SUSD5: variants seen among roughly 807,000 people sequenced by gnomAD.
SUSD5 encodes the protein sushi domain containing 5, also known as sushi domain-containing protein 5.
SUSD5 carries 33 observed loss-of-function variants against 29.5 expected under a neutral mutation model. The ratio of observed to expected loss-of-function variants is 1.12; its 90% CI spans 0.85 to 1.49. The LOEUF is 1.49. SUSD5 is among the 40% of genes most tolerant of loss of function. The pLI, the probability that SUSD5 is intolerant of heterozygous loss-of-function variation, is 0.00. For missense variants in SUSD5, 776 were observed against 800.6 expected (o/e 0.97, Z 0.37); for synonymous variants, 308 against 325.3 (o/e 0.95, Z 0.57).
intron 3 of SUSD5, among the ~76,000 whole-genome samples, chr3:33,197,495 A>G (rs979237064): frequency 3.3e-5 from 5 of 152,176 alleles, no homozygotes; most frequent in Non-Finnish European, 7.3e-5. Context: ...AAATTCATCA[A>G]TTTTAAGTGT....
At position 33,167,865 on chromosome 3, in the gene SUSD5, C is replaced by T. The variant is rs1322087238; in HGVS notation, c.598+7021G>A. Among the ~76,000 whole-genome samples, 1 of 152,206 alleles carries T rather than the reference C, an allele frequency of 6.6e-6. No homozygotes were observed. The highest frequency in any genetic ancestry group is 1.9e-4 in the East Asian group (1 of 5,198). ...CCTGAGTCTGCACTCTGACTCAGAT[C>T]ATTCAGCCATCCTTCTAGCTCTGCC... On this transcript the variant is annotated intron_variant, in intron 4 of 4. Transcript: ENST00000309558. The surrounding 1 kb of genome is among the most constrained non-coding windows in gnomAD (Gnocchi z 4.1).
chr3:33,174,892 C>T lies in SUSD5; in HGVS notation c.592G>A (p.Gly198Arg). Residue 198 changes from glycine (G) to arginine (R), a missense_variant, in exon 4 of 5, where the codon GGG (glycine) becomes AGG (arginine). Physicochemically the swap from Gly to Arg is moderately radical, Grantham distance 125. Transcript: ENST00000309558. ...CCATCCCTGGGCTGCTTACCTTTCC[C>T]ACAGGCCTGCACCAGGCCGTACCAC... ...GEWYGLVQAC[G>R]KDEAEAHIDY... 6.2e-7 allele frequency: 1 copy of T among 1,613,910 alleles called. No homozygotes were observed. Among genetic ancestry groups the T allele is most frequent in the Non-Finnish European group, 8.5e-7 (1 of 1,179,850 alleles).
intron 4 of SUSD5, among the ~76,000 whole-genome samples, chr3:33,157,668 T>C (rs138492356): frequency 3.2e-4 from 49 of 152,360 alleles, no homozygotes; most frequent in African/African-American, 1.2e-3. Flanking sequence ...GGGCTGACCT[T>C]GTCCCTTGTT....
Position 33,152,886 on chromosome 3 carries a change from G to T in SUSD5, c.1746C>A (p.Val582=). The part of the protein sequence containing the change: ...RGPVIATIVT[V]LCLLLLLAGV... ...CTGCCAGGAGCAGCAGTAGGCACAG[G>T]ACGGTGACAATGGTGGCGATCACAG... The change falls in exon 5 of 5, where the codon GTC becomes GTA. Residue 582 remains valine (V), a synonymous_variant. Coordinates refer to ENST00000309558, the MANE Select transcript of SUSD5 (RefSeq NM_015551.2). The T allele has an allele frequency of 6.2e-7, 1 of 1,614,004 alleles. No individual in the cohort carries two copies. The highest frequency in any genetic ancestry group is 8.5e-7 in the Non-Finnish European group (1 of 1,179,896).
chr3:33,157,019 A>G (rs56861442), intron 4 of SUSD5, among the ~76,000 whole-genome samples: 14,313 of 152,214 alleles, frequency 0.094, 789 homozygotes, highest in East Asian at 0.19. Context: ...AACCTCACAC[A>G]AAAAACATAT....
Position 33,153,727 on chromosome 3 carries a change from T to A in SUSD5, c.905A>T (p.His302Leu), listed in dbSNP as rs888184550. 6.2e-7 allele frequency: 1 copy of A among 1,614,052 alleles called. No individual in the cohort carries two copies. The highest frequency in any genetic ancestry group is 1.6e-4 in the Middle Eastern group (1 of 6,062). Reference sequence around the variant, plus strand: ...CACCTCCTTTTCCAACCCAGGCTTGTGGAAAGCCTCAGCAGGAAACCAGAA... The same window carrying A: ...CACCTCCTTTTCCAACCCAGGCTTGAGGAAAGCCTCAGCAGGAAACCAGAA... Reference protein sequence around the residue: ...HLFWFPAEAFHKPGLEKEVDD... With the variant: ...HLFWFPAEAFLKPGLEKEVDD... Residue 302 changes from histidine to leucine, a missense_variant, in exon 5 of 5, where the codon CAC becomes CTC. Physicochemically the swap from His to Leu is moderately conservative, Grantham distance 99. Transcript: ENST00000309558.
At chr3:33,163,771 G>A (rs1290388744) in intron 4 of SUSD5, among the ~76,000 whole-genome samples, 1 of 152,174 alleles carries the variant, frequency 6.6e-6, no homozygotes, top group African/African-American at 2.4e-5. Context: ...GCTGAGGCGG[G>A]CGGATCACGA....
At chr3:33,207,684 G>A in intron 3 of SUSD5, 124 bp downstream of exon 3, 1 of 597,278 alleles carries the variant, frequency 1.7e-6, no homozygotes, top group Non-Finnish European at 2.9e-6. Flanking sequence ...TTCTTTGGAA[G>A]ACTTCCTGAT....
chr3:33,199,130 C>T (rs1362094271), intron 3 of SUSD5, among the ~76,000 whole-genome samples: 1 of 151,782 alleles, frequency 6.6e-6, no homozygotes, highest in Non-Finnish European at 1.5e-5. Context: ...AGAGCATGAA[C>T]TATAAATATC....
intron 4 of SUSD5, among the ~76,000 whole-genome samples, chr3:33,168,817 T>C (rs936984016): frequency 6.6e-6 from 1 of 151,988 alleles, no homozygotes; most frequent in Non-Finnish European, 1.5e-5. Flanking sequence ...ACCTGGCTAA[T>C]TTTCGTATTT....
At chr3:33,207,713 C>A in intron 3 of SUSD5, 95 bp downstream of exon 3, 1 of 722,762 alleles carries the variant, frequency 1.4e-6, no homozygotes, top group Non-Finnish European at 2.3e-6. Context: ...TCTAGTAAAT[C>A]CTCACTTCAA....
intron 3 of SUSD5, among the ~76,000 whole-genome samples, chr3:33,191,782 T>C (rs1000459949): frequency 2.0e-5 from 3 of 151,946 alleles, no homozygotes; most frequent in African/African-American, 4.8e-5. Flanking sequence ...CCCATCTCAA[T>C]TAAAAAATAA....
chr3:33,175,425 A>T (rs951072842), intron 3 of SUSD5, among the ~76,000 whole-genome samples: 23 of 152,002 alleles, frequency 1.5e-4, no homozygotes, highest in Admixed American at 9.2e-4. Context: ...GTGAATAGGA[A>T]CTCTGACAAA....
intron 2 of SUSD5, among the ~76,000 whole-genome samples, chr3:33,211,202 T>C (rs1420033518): frequency 6.6e-6 from 1 of 152,228 alleles, no homozygotes; most frequent in Admixed American, 6.5e-5. Flanking sequence ...CTGTATGTTT[T>C]CTTTGTAAGG....
At chr3:33,200,312 C>T (rs375825844) in intron 3 of SUSD5, among the ~76,000 whole-genome samples, 12 of 152,220 alleles carry the variant, frequency 7.9e-5, no homozygotes, top group African/African-American at 2.9e-4. Context: ...TGTAGCTACC[C>T]CATTTATGTT....
chr3:33,210,831 CA>C (rs1173698577), intron 2 of SUSD5, among the ~76,000 whole-genome samples: 2 of 152,020 alleles, frequency 1.3e-5, no homozygotes, highest in Admixed American at 6.6e-5. Flanking sequence ...TATTTTAATA[CA>C]TTGTATAGTA....
intron 1 of SUSD5, 99 bp downstream of exon 1, chr3:33,218,587 C>G: frequency 6.4e-6 from 7 of 1,098,438 alleles, no homozygotes; most frequent in Non-Finnish European, 8.2e-6. Context: ...GCGCTTGCCG[C>G]TTGCCGGGCC....
chr3:33,176,995 C>T (rs2031565673), intron 3 of SUSD5, among the ~76,000 whole-genome samples: 1 of 152,186 alleles, frequency 6.6e-6, no homozygotes, highest in South Asian at 2.1e-4. Context: ...ATTGCTGTAG[C>T]TTTATAGATG....
chr3:33,162,308 C>T (rs752414405), intron 4 of SUSD5, among the ~76,000 whole-genome samples: 7 of 151,858 alleles, frequency 4.6e-5, no homozygotes, highest in Non-Finnish European at 7.4e-5. Context: ...AAGCTGAGCT[C>T]GGGGGAAGTT....
Sources: allele counts gnomAD v4.1 joint callset (sites outside exome capture counted in the v4.1 genomes callset), GRCh38; gene constraint gnomAD v4.1.1; non-coding constraint Gnocchi (gnomAD v3.1); transcripts MANE v1.5; gene names NCBI Gene and HGNC (gene_info 2026-07-23, HGNC 2026-07-21).